MTUS2: variants seen among roughly 807,000 people sequenced by gnomAD.
MTUS2 encodes the protein microtubule associated scaffold protein 2, also known as microtubule-associated tumor suppressor candidate 2.
MTUS2 carries 40 observed loss-of-function variants against 114.1 expected under a neutral mutation model. The ratio of observed to expected loss-of-function variants is 0.35; its 90% CI spans 0.27 to 0.46. The LOEUF (loss-of-function observed/expected upper bound fraction) is 0.46. MTUS2 is among the 20% of genes least tolerant of loss of function. The probability of loss-of-function intolerance (pLI) is 1.00; values close to 1 mark genes in which losing one functional copy is unlikely to be tolerated. For synonymous variants in MTUS2, 688 were observed against 672.0 expected (o/e 1.02, Z -0.37); for missense variants, 1,679 against 1,705.4 (o/e 0.98, Z 0.27).
Position 29,195,435 on chromosome 13 carries a change from G to A in MTUS2, c.2645-86269G>A, listed in dbSNP as rs569588413. 1.4e-4 allele frequency among the ~76,000 whole-genome samples: 21 copies of A among 147,468 alleles called. No individual in the cohort carries two copies. In the South Asian group the frequency reaches 3.8e-3, roughly 27 times the overall value. On this transcript the variant is annotated intron_variant, in intron 5 of 15. Coordinates refer to ENST00000612955, the MANE Select transcript of MTUS2 (RefSeq NM_001033602.4). Reference sequence around the variant, plus strand: ...GCACATGAATGTATTAGCTATTTTCGTAGTTATGTGTTTTTGTAGACTAGT... The same window carrying A: ...GCACATGAATGTATTAGCTATTTTCATAGTTATGTGTTTTTGTAGACTAGT...
At chr13:29,143,800 G>A (rs569965165) in intron 5 of MTUS2, among the ~76,000 whole-genome samples, 2 of 152,292 alleles carry the variant, frequency 1.3e-5, no homozygotes, top group African/African-American at 2.4e-5. Flanking sequence ...CAAATGGTAT[G>A]ACCAGAAAAT....
rs191382316 is a variant in MTUS2, at chr13:29,470,439, T to G, written c.3185-9711T>G. On this transcript the variant is annotated intron_variant, in intron 9 of 15. Coordinates refer to ENST00000612955, the MANE Select transcript of MTUS2 (RefSeq NM_001033602.4). ...CATCCCATCCATAAGCAAGTCAATT[T>G]GTCTTTGCCTCCCAAATGCATCCCC... 2.0e-4 allele frequency among the ~76,000 whole-genome samples: 30 copies of G among 152,292 alleles called. No individual in the cohort carries two copies. In the East Asian group the frequency reaches 5.8e-3, roughly 29 times the overall value.
intron 11 of MTUS2, among the ~76,000 whole-genome samples, chr13:29,491,067 A>T (rs932830407): frequency 7.8e-6 from 1 of 128,606 alleles, no homozygotes; most frequent in African/African-American, 2.9e-5. Flanking sequence ...AGGCATGGGG[A>T]TGTGGGAGTG....
At chr13:29,473,379 G>T (rs1338029907) in intron 9 of MTUS2, among the ~76,000 whole-genome samples, 3 of 152,094 alleles carry the variant, frequency 2.0e-5, no homozygotes, top group Non-Finnish European at 4.4e-5. Context: ...GAAGACACTT[G>T]GGACAGTCGT....
chr13:29,383,121 G>T (rs1316631621), intron 8 of MTUS2, among the ~76,000 whole-genome samples: 2 of 151,812 alleles, frequency 1.3e-5, no homozygotes, highest in African/African-American at 4.8e-5. Flanking sequence ...TATATTCTTT[G>T]TATTTTTGGC....
intron 6 of MTUS2, among the ~76,000 whole-genome samples, chr13:29,316,558 G>A (rs1305704597): frequency 2.0e-5 from 3 of 152,074 alleles, no homozygotes; most frequent in Non-Finnish European, 2.9e-5. Flanking sequence ...CCTTCAAATG[G>A]AATCAGACTC....
intron 2 of MTUS2, among the ~76,000 whole-genome samples, chr13:29,003,085 C>T (rs762518652): frequency 4.6e-5 from 7 of 152,200 alleles, no homozygotes; most frequent in South Asian, 4.1e-4. Flanking sequence ...TGAGAGTTCA[C>T]GCCTCAAGTT....
At chr13:29,358,788 A>T (rs1361904782) in intron 7 of MTUS2, among the ~76,000 whole-genome samples, 1 of 152,156 alleles carries the variant, frequency 6.6e-6, no homozygotes, top group African/African-American at 2.4e-5. Flanking sequence ...TGGACGTGAC[A>T]TTGAAGAAAA....
At chr13:29,472,931 T>C (rs995983513) in intron 9 of MTUS2, among the ~76,000 whole-genome samples, 2 of 152,212 alleles carry the variant, frequency 1.3e-5, no homozygotes, top group African/African-American at 4.8e-5. Context: ...GTAGTGACAT[T>C]AAGGGTAATT....
At chr13:29,401,788 C>T (rs1014707376) in intron 8 of MTUS2, among the ~76,000 whole-genome samples, 7 of 152,190 alleles carry the variant, frequency 4.6e-5, no homozygotes, top group South Asian at 2.1e-4. Flanking sequence ...ATTTGCTCCT[C>T]GCCATTGTTA....
At chr13:29,383,214 TTGAG>T (rs918970021) in intron 8 of MTUS2, among the ~76,000 whole-genome samples, 11 of 58,790 alleles carry the variant, frequency 1.9e-4, no homozygotes, top group African/African-American at 5.7e-4. Flanking sequence ...GATAGGAAAA[TTGAG>T]TGTGTGTGTG....
intron 2 of MTUS2, among the ~76,000 whole-genome samples, chr13:28,933,342 T>C (rs1881723999): frequency 6.6e-6 from 1 of 152,188 alleles, no homozygotes; most frequent in Non-Finnish European, 1.5e-5. Flanking sequence ...GCAGGGTTTC[T>C]CTGTTGCAGT....
intron 9 of MTUS2, among the ~76,000 whole-genome samples, chr13:29,441,841 A>G (rs1429653000): frequency 6.6e-6 from 1 of 152,066 alleles, no homozygotes; most frequent in Admixed American, 6.5e-5. Flanking sequence ...GGTTCCTTTA[A>G]AAGGACCTTC....
chr13:29,013,567 G>C (rs1225430661), intron 2 of MTUS2, among the ~76,000 whole-genome samples: 1 of 152,236 alleles, frequency 6.6e-6, no homozygotes, highest in Non-Finnish European at 1.5e-5. Flanking sequence ...GTGTTTGACA[G>C]ATTTGAGTTT....
At chr13:28,935,006 GTTTTTTTTTT>G (rs775863792) in intron 2 of MTUS2, among the ~76,000 whole-genome samples, 7 of 41,448 alleles carry the variant, frequency 1.7e-4, no homozygotes, top group South Asian at 9.4e-4. Context: ...TCTCCATAGC[GTTTTTTTTTT>G]TTTTTTTTTT....
intron 9 of MTUS2, among the ~76,000 whole-genome samples, chr13:29,442,663 C>G (rs141277115): frequency 6.6e-6 from 1 of 152,210 alleles, no homozygotes; most frequent in African/African-American, 2.4e-5. Flanking sequence ...GTGTTTCCCT[C>G]GGAAGTATTG....
chr13:29,016,245 T>C (rs1886061982), intron 2 of MTUS2, among the ~76,000 whole-genome samples: 1 of 152,116 alleles, frequency 6.6e-6, no homozygotes, highest in South Asian at 2.1e-4. Flanking sequence ...AGTTCCACTT[T>C]GGAAAAATAT....
intron 5 of MTUS2, among the ~76,000 whole-genome samples, chr13:29,222,896 C>G (rs562348969): frequency 6.6e-6 from 1 of 152,352 alleles, no homozygotes; most frequent in South Asian, 2.1e-4. Flanking sequence ...TGCACACACT[C>G]AGGACATCAC....
At chr13:28,923,317 C>G (rs539719850) in intron 2 of MTUS2, among the ~76,000 whole-genome samples, 110 of 152,224 alleles carry the variant, frequency 7.2e-4, no homozygotes, top group Admixed American at 6.5e-4. Flanking sequence ...TTTTCTGTTT[C>G]TTGGTATGAT....
Sources: allele counts gnomAD v4.1 joint callset (sites outside exome capture counted in the v4.1 genomes callset), GRCh38; gene constraint gnomAD v4.1.1; transcripts MANE v1.5; gene names NCBI Gene and HGNC (gene_info 2026-07-23, HGNC 2026-07-21).